SUGP2: variants seen among roughly 807,000 people sequenced by gnomAD.
SUGP2 encodes the protein SURP and G-patch domain containing 2.
In SUGP2, 24 loss-of-function variants were observed where a neutral mutation model predicts 90.5. The ratio of observed to expected loss-of-function variants is 0.27; its 90% confidence interval spans 0.19 to 0.37. The LOEUF (loss-of-function observed/expected upper bound fraction) is 0.37. SUGP2 is among the 10% of genes least tolerant of loss of function. SUGP2 has a pLI of 1.00. For synonymous variants in SUGP2, 473 were observed against 513.4 expected (o/e 0.92, Z 1.06); for missense variants, 1,233 against 1,363.3 (o/e 0.90, Z 1.51).
intron 4 of SUGP2, among the ~76,000 whole-genome samples, chr19:19,017,743 G>C (rs913905894): frequency 4.6e-5 from 7 of 151,994 alleles, no homozygotes; most frequent in African/African-American, 1.7e-4. Flanking sequence ...CTATACTCCA[G>C]CCTGGCGACA....
Position 19,031,035 on chromosome 19 carries a change from C to G in SUGP2, c.37G>C (p.Ala13Pro). The change falls in exon 2 of 11, where the codon GCT becomes CCT. Residue 13 changes from alanine (A) to proline (P), a missense_variant. Ala to Pro is a conservative substitution (Grantham distance 27). Coordinates refer to ENST00000452918, the MANE Select transcript of SUGP2 (RefSeq NM_001017392.5). ...CGTTTGGCTTTTTCTTGTAATACAG[C>G]ATCAAAAGTCTCCTGTGTAATTCGT... ...ARRITQETFDAVLQEKAKRYH... is the reference protein window; with the variant it reads ...ARRITQETFDPVLQEKAKRYH... 1 of 1,613,876 alleles carries G rather than the reference C, an allele frequency of 6.2e-7. No individual in the cohort carries two copies. The highest frequency in any genetic ancestry group is 8.5e-7 in the Non-Finnish European group (1 of 1,179,966).
At chr19:19,020,958 G>C (rs910727977) in intron 3 of SUGP2, among the ~76,000 whole-genome samples, 5 of 151,772 alleles carry the variant, frequency 3.3e-5, no homozygotes, top group African/African-American at 9.7e-5. Context: ...TCAGGAGTTC[G>C]AGACCAGCCT....
At chr19:19,000,476 C>T (rs914743456) in intron 8 of SUGP2, among the ~76,000 whole-genome samples, 16 of 152,220 alleles carry the variant, frequency 1.1e-4, no homozygotes, top group African/African-American at 3.6e-4. Flanking sequence ...AGGTGCTGAC[C>T]GCACACACCA....
chr19:19,033,580 C>A, upstream of SUGP2: 8 of 1,204,766 alleles, frequency 6.6e-6, no homozygotes, highest in Non-Finnish European at 7.2e-6. Context: ...CCGCCGAGTC[C>A]TGGTGCGCAG....
chr19:19,029,495 G>A (rs1400020098), intron 2 of SUGP2, among the ~76,000 whole-genome samples: 4 of 149,584 alleles, frequency 2.7e-5, no homozygotes, highest in African/African-American at 9.9e-5. Context: ...CTGGAGTGCA[G>A]TAGCGCAATC....
intron 1 of SUGP2, chr19:19,033,198 T>C (rs1599612435): frequency 4.1e-6 from 1 of 245,362 alleles, no homozygotes; most frequent in Non-Finnish European, 7.0e-6. Context: ...ACTGAACCAA[T>C]GAGCCTTTGT....
chr19:18,994,553 A>G (rs2057496616), intron 9 of SUGP2, 67 bp from the exon 10 acceptor site: 2 of 1,590,812 alleles, frequency 1.3e-6, no homozygotes, highest in Non-Finnish European at 1.7e-6. Context: ...GGAACTGGGC[A>G]TGGGCACAAA....
intron 4 of SUGP2, among the ~76,000 whole-genome samples, chr19:19,018,745 G>A (rs1251179208): frequency 7.1e-6 from 1 of 141,192 alleles, no homozygotes; most frequent in East Asian, 2.1e-4. Flanking sequence ...TTAAGCAAAA[G>A]ACAGTTTAAC....
chr19:19,027,625 C>T (rs1274090906), intron 2 of SUGP2, among the ~76,000 whole-genome samples: 2 of 149,656 alleles, frequency 1.3e-5, no homozygotes, highest in Non-Finnish European at 3.0e-5. Context: ...AGCTCTGACA[C>T]TTTTTTTTTT....
At position 19,009,932 on chromosome 19, in the gene SUGP2, G is replaced by A. The variant is rs772860547; in HGVS notation, c.2261C>T (p.Ser754Leu). The change falls in exon 5 of 11, where the codon TCA becomes TTA. Residue 754 changes from serine (S) to leucine (L), a missense_variant. This residue lies in a region of SUGP2 where 540 missense variants were observed against 542.6 expected (regional missense o/e 1.00). Coordinates refer to ENST00000452918, the MANE Select transcript of SUGP2 (RefSeq NM_001017392.5). ...TCCTGCTGGCTTGGGGGATGGGCCTGAGGCTTCTAAGCTGGGGTCCTGAGG... is the reference window on the plus strand; with the variant it reads ...TCCTGCTGGCTTGGGGGATGGGCCTAAGGCTTCTAAGCTGGGGTCCTGAGG... ...PSPQDPSLEA[S>L]GPSPKPAGVD... 1.1e-5 allele frequency: 17 copies of A among 1,614,194 alleles called. No individual in the cohort carries two copies. The highest frequency in any genetic ancestry group is 1.4e-5 in the Non-Finnish European group (16 of 1,180,026).
At chr19:19,015,916 A>C (rs189250777) in intron 4 of SUGP2, among the ~76,000 whole-genome samples, 2 of 152,252 alleles carry the variant, frequency 1.3e-5, no homozygotes, top group South Asian at 2.1e-4. Context: ...TTTTTATTTC[A>C]ATCTATTTTT....
chr19:19,017,364 C>T (rs1249166771), intron 4 of SUGP2, among the ~76,000 whole-genome samples: 1 of 152,220 alleles, frequency 6.6e-6, no homozygotes, highest in Non-Finnish European at 1.5e-5. Flanking sequence ...TGGGTTGTTA[C>T]TAGTGAGACA....
intron 5 of SUGP2, among the ~76,000 whole-genome samples, chr19:19,009,476 G>A (rs911062634): frequency 1.2e-4 from 18 of 152,156 alleles, no homozygotes; most frequent in Non-Finnish European, 2.4e-4. Flanking sequence ...CTGGGGATGA[G>A]GAGGCGCAAT....
chr19:19,027,182 T>C (rs1438879943), intron 2 of SUGP2, among the ~76,000 whole-genome samples: 2 of 152,096 alleles, frequency 1.3e-5, no homozygotes, highest in African/African-American at 4.8e-5. Context: ...GGAGAAACTG[T>C]AAGAAGCGAG....
At chr19:19,009,767 T>C (rs1046543087) in intron 5 of SUGP2, 88 bp downstream of exon 5, 40 of 1,488,230 alleles carry the variant, frequency 2.7e-5, no homozygotes, top group East Asian at 2.3e-5. Context: ...CTTGCCTAGA[T>C]TGCAGGCCCC....
At position 19,009,963 on chromosome 19, in the gene SUGP2, G is replaced by A; in HGVS notation, c.2230C>T (p.Pro744Ser). Residue 744 changes from proline (P) to serine (S), a missense_variant, in exon 5 of 11, where the codon CCT becomes TCT. Around this residue, in one of 8 missense-constraint regions of SUGP2, gnomAD observed 540 missense variants for 542.6 expected, o/e 1.00. Coordinates refer to ENST00000452918, the MANE Select transcript of SUGP2 (RefSeq NM_001017392.5). ...TCTAAGCTGGGGTCCTGAGGAGAAGGTCCAACTGGGTCTGGCGGGCAGTCC... is the reference window on the plus strand; with the variant it reads ...TCTAAGCTGGGGTCCTGAGGAGAAGATCCAACTGGGTCTGGCGGGCAGTCC... ...AKDCPPDPVG[P>S]SPQDPSLEAS... 6.2e-7 allele frequency: 1 copy of A among 1,614,194 alleles called. No homozygotes were observed. Among genetic ancestry groups the A allele is most frequent in the Non-Finnish European group, 8.5e-7 (1 of 1,180,034 alleles).
chr19:18,994,694 G>C (rs1175584596), intron 9 of SUGP2: 1 of 647,634 alleles, frequency 1.5e-6, no homozygotes, highest in East Asian at 2.9e-5. Flanking sequence ...GTGCCCAGAG[G>C]GCCCTGGTTA....
rs117477431 is a variant in SUGP2 at position 19,030,908 on chromosome 19, C to T, written c.121+43G>A. 2.7e-3 allele frequency: 4,315 copies of T among 1,589,154 alleles called. 12 individuals are homozygous for T. The highest frequency in any genetic ancestry group is 3.4e-3 in the Non-Finnish European group (3,965 of 1,168,550). On this transcript the variant is annotated intron_variant, in intron 2 of 10. Transcript: ENST00000452918. Reference sequence around the variant, plus strand: ...CTTCCTGCCTTGGCCCTAAGATACACCCCTACCAAAACAACAACTACAACA... The same window carrying T: ...CTTCCTGCCTTGGCCCTAAGATACATCCCTACCAAAACAACAACTACAACA...
At chr19:18,994,285 C>T (rs2057482696) in intron 10 of SUGP2, 81 bp downstream of exon 10, 8 of 1,551,402 alleles carry the variant, frequency 5.2e-6, no homozygotes, top group Non-Finnish European at 7.0e-6. Flanking sequence ...CAGGGAACAT[C>T]AACTTTGTTG....
Sources: allele counts gnomAD v4.1 joint callset (sites outside exome capture counted in the v4.1 genomes callset), GRCh38; gene constraint gnomAD v4.1.1; regional missense constraint gnomAD v4.1.1; transcripts MANE v1.5; gene names NCBI Gene and HGNC (gene_info 2026-07-23, HGNC 2026-07-21).